Variants in CLIP4 observed in about 807,000 individuals in gnomAD.
CLIP4 encodes the protein CAP-Gly domain-containing linker protein 4.
A neutral mutation model predicts 73.1 loss-of-function variants in CLIP4; 47 were observed. The observed-to-expected ratio is 0.64, with a 90% CI of 0.51 to 0.82. The LOEUF is 0.82. Ranked by LOEUF, CLIP4 falls within the 40% of genes least tolerant of loss-of-function variation. The pLI, the probability that CLIP4 is intolerant of heterozygous loss-of-function variation, is 0.00. For synonymous variants in CLIP4, 306 were observed against 295.4 expected, an observed-to-expected ratio of 1.04 and a Z score of -0.37; for missense variants, 874 against 852.9, an observed-to-expected ratio of 1.02 and a Z score of -0.31.
chr2:29,162,801 G>A (rs1266832530), intron 12 of CLIP4, among the ~76,000 whole-genome samples: 1 of 152,082 alleles, frequency 6.6e-6, no homozygotes, highest in Non-Finnish European at 1.5e-5. Context: ...AATGGACTCA[G>A]GTATCATCTT....
chr2:29,133,573 T>C (rs1443741354), intron 4 of CLIP4, 82 bp from the exon 5 acceptor site: 5 of 1,386,050 alleles, frequency 3.6e-6, no homozygotes, highest in Non-Finnish European at 4.9e-6. Context: ...TTGCTTTGGC[T>C]TTTTAAATGA....
Position 29,183,460 on chromosome 2 carries a change from G to A in CLIP4, c.*1567G>A, listed in dbSNP as rs1668736542. ...TGATTGAAGGAAATGACTGTACTGC[G>A]ATTCAAAAGTAAACTTATTTTATTA... On this transcript the variant is annotated 3_prime_UTR_variant, in exon 16 of 16. Coordinates refer to ENST00000320081, the MANE Select transcript of CLIP4 (RefSeq NM_024692.6). 3 of 152,520 alleles carry A rather than the reference G, an allele frequency of 2.0e-5. No individual in the cohort carries two copies. Among genetic ancestry groups the A allele is most frequent in the Admixed American group, 2.0e-4 (3 of 15,264 alleles). The allele number at this position is 152,520 out of a possible 1,614,324, so 9.4% of individuals were successfully genotyped here. A position where few individuals can be genotyped will look rare whatever the true frequency, so the allele number is the denominator to read the frequency against.
At chr2:29,162,819 A>G (rs1376735537) in intron 12 of CLIP4, among the ~76,000 whole-genome samples, 2 of 152,182 alleles carry the variant, frequency 1.3e-5, no homozygotes, top group African/African-American at 4.8e-5. Flanking sequence ...CTTTTTATAC[A>G]TAGAGGAAAA....
intron 6 of CLIP4, 47 bp from the exon 7 acceptor site, chr2:29,143,662 G>A (rs758561421): frequency 8.1e-7 from 1 of 1,228,942 alleles, no homozygotes. Flanking sequence ...TGACTTTCTA[G>A]TGCTCTAAGT....
chr2:29,120,591 A>G (rs780425340), intron 1 of CLIP4, among the ~76,000 whole-genome samples: 15 of 152,204 alleles, frequency 9.9e-5, no homozygotes, highest in Non-Finnish European at 1.6e-4. Flanking sequence ...ATGATACTTC[A>G]GATAGTAAAG....
rs1340607426 is a variant in CLIP4, at chr2:29,132,220, C to T, written c.342C>T (p.Thr114=). The T allele has an allele frequency of 1.9e-6, 3 of 1,613,206 alleles. No individual in the cohort carries two copies. The highest frequency in any genetic ancestry group is 2.7e-5 in the African/African-American group (2 of 74,846). The change falls in exon 4 of 16, where the codon ACC becomes ACT. Residue 114 remains threonine, a synonymous_variant. Transcript: ENST00000320081. ...CAGATATGACTCTTTTACATTATAC[C>T]TGCAAATCTGGAGCTCATGGTATTG... ...GLTDMTLLHY[T]CKSGAHGIGD...
intron 1 of CLIP4, chr2:29,118,354 A>G (rs1046436598): frequency 6.6e-6 from 1 of 152,194 alleles, no homozygotes; most frequent in East Asian, 1.9e-4. Context: ...TGGAAAAAAA[A>G]TCACAAGGTA....
chr2:29,138,604 T>A (rs1665542581), intron 6 of CLIP4, among the ~76,000 whole-genome samples: 1 of 152,136 alleles, frequency 6.6e-6, no homozygotes, highest in African/African-American at 2.4e-5. Flanking sequence ...TTGGGCAATG[T>A]GGACATTTTA....
intron 2 of CLIP4, among the ~76,000 whole-genome samples, chr2:29,129,742 A>G (rs767220224): frequency 6.6e-6 from 1 of 152,164 alleles, no homozygotes; most frequent in Non-Finnish European, 1.5e-5. Flanking sequence ...CATTGTCTCC[A>G]AAAGGCTTAG....
At chr2:29,113,165 G>C (rs1668425666), upstream of CLIP4, among the ~76,000 whole-genome samples, 1 of 152,234 alleles carries the variant, frequency 6.6e-6, no homozygotes, top group South Asian at 2.1e-4. The surrounding 1 kb of genome is among the most constrained non-coding windows in gnomAD (Gnocchi z 4.0). Flanking sequence ...CATTTGTAAA[G>C]TGAAGACAAG....
chr2:29,132,738 G>C (rs553985676), intron 4 of CLIP4: 13 of 153,016 alleles, frequency 8.5e-5, no homozygotes, highest in Admixed American at 8.5e-4. Flanking sequence ...TGTTTCAATA[G>C]TCTGATGTGG....
chr2:29,101,558 G>A (rs576663391), intron 1 of CLIP4, among the ~76,000 whole-genome samples: 6 of 152,204 alleles, frequency 3.9e-5, no homozygotes, highest in African/African-American at 1.4e-4. Flanking sequence ...GTGATTAGAT[G>A]GTGCCCACCT....
At chr2:29,167,410 T>C (rs1357219385) in intron 13 of CLIP4, 66 bp from the exon 14 acceptor site, 6 of 1,133,762 alleles carry the variant, frequency 5.3e-6, no homozygotes, top group South Asian at 3.1e-5. Flanking sequence ...AAAAACTTAG[T>C]TGATAACCAG....
At chr2:29,170,922 A>G (rs758224157) in intron 14 of CLIP4, among the ~76,000 whole-genome samples, 6 of 151,854 alleles carry the variant, frequency 4.0e-5, no homozygotes, top group Non-Finnish European at 8.8e-5. Flanking sequence ...ATATTGGGCT[A>G]TTTCTGGGCT....
intron 8 of CLIP4, among the ~76,000 whole-genome samples, chr2:29,149,991 C>A (rs1238615731): frequency 6.6e-6 from 1 of 152,176 alleles, no homozygotes; most frequent in African/African-American, 2.4e-5. Flanking sequence ...TAATCATAAA[C>A]ATTATTCCAG....
chr2:29,161,942 A>C (rs1007287185), intron 12 of CLIP4, among the ~76,000 whole-genome samples: 1 of 152,188 alleles, frequency 6.6e-6, no homozygotes, highest in Non-Finnish European at 1.5e-5. Flanking sequence ...TTTCACTAAT[A>C]CCACTTATAA....
At chr2:29,134,940 CT>C (rs1665241114) in intron 5 of CLIP4, among the ~76,000 whole-genome samples, 1 of 151,904 alleles carries the variant, frequency 6.6e-6, no homozygotes, top group African/African-American at 2.4e-5. Flanking sequence ...GAAAATTCTG[CT>C]TTGTTTTACC....
chr2:29,155,111 A>AT (rs965727005), intron 9 of CLIP4, among the ~76,000 whole-genome samples: 6 of 152,184 alleles, frequency 3.9e-5, no homozygotes, highest in Non-Finnish European at 7.3e-5. Context: ...ACACATAAAG[A>AT]TTTTAAGTAA....
At chr2:29,178,182 A>AT (rs755505721) in intron 15 of CLIP4, among the ~76,000 whole-genome samples, 1,692 of 144,578 alleles carry the variant, frequency 0.012, 27 homozygotes, top group African/African-American at 0.036. Context: ...ATGTGTCTGA[A>AT]TTTTTTTTTT....
Sources: gnomAD v4.1 joint callset for allele counts (sites outside exome capture counted in the v4.1 genomes callset) on GRCh38, gnomAD v4.1.1 for gene constraint, Gnocchi (gnomAD v3.1) non-coding constraint, MANE v1.5 for transcripts, NCBI Gene and HGNC (gene_info 2026-07-23, HGNC 2026-07-21) for gene names.